Variants in RARB observed in about 807,000 individuals in gnomAD.
RARB encodes the protein retinoic acid receptor beta, also known as HBV-activated protein.
RARB carries 17 observed loss-of-function variants against 51.9 expected under a neutral mutation model. The ratio of observed to expected loss-of-function variants is 0.33; its 90% CI spans 0.22 to 0.49. The LOEUF is 0.49. RARB is among the 20% of genes least tolerant of loss of function. The pLI, the probability that RARB is intolerant of heterozygous loss-of-function variation, is 0.99. For synonymous variants in RARB, 215 were observed against 195.4 expected, an observed-to-expected ratio of 1.10 and a Z score of -0.84; for missense variants, 369 against 550.8, an observed-to-expected ratio of 0.67 and a Z score of 3.30.
rs1469110913 is a variant in RARB, at chr3:25,403,776, C to T, written c.179-57417C>T. Among the ~76,000 whole-genome samples, 3 of 145,396 alleles carry T rather than the reference C, an allele frequency of 2.1e-5. No homozygotes were observed. The Admixed American group carries it at 2.2e-4, about 11-fold the overall frequency. ...ATCTGGCTTCTTTGACATTTGAGCG[C>T]TATTATTTAGCACTGTTACTTTCAT... is the stretch of plus-strand genomic sequence containing the variant. On this transcript the variant is annotated intron_variant, in intron 5 of 11. Transcript: ENST00000383772.
chr3:24,971,404 C>T (rs1444916655), intron 2 of RARB, among the ~76,000 whole-genome samples: 1 of 151,944 alleles, frequency 6.6e-6, no homozygotes. Flanking sequence ...AATAATTATC[C>T]TTAGAAGTTT....
At chr3:25,406,779 C>A (rs1403028273) in intron 5 of RARB, among the ~76,000 whole-genome samples, 3 of 152,166 alleles carry the variant, frequency 2.0e-5, no homozygotes, top group African/African-American at 7.2e-5. Context: ...CAGTATCGAG[C>A]AGGATGGCAG....
At chr3:25,076,667 T>TAA (rs1698876507) in intron 3 of RARB, among the ~76,000 whole-genome samples, 1 of 152,208 alleles carries the variant, frequency 6.6e-6, no homozygotes. Flanking sequence ...AAGCTTTGTT[T>TAA]AAAAGCTTAA....
At chr3:24,997,193 ATTG>A (rs1697060665) in intron 2 of RARB, among the ~76,000 whole-genome samples, 1 of 152,186 alleles carries the variant, frequency 6.6e-6, no homozygotes, top group East Asian at 1.9e-4. Context: ...CTGAACTGAT[ATTG>A]TTGTTATTGT....
intron 5 of RARB, among the ~76,000 whole-genome samples, chr3:25,223,794 A>G (rs1701997207): frequency 6.6e-6 from 1 of 152,200 alleles, no homozygotes; most frequent in African/African-American, 2.4e-5. Flanking sequence ...CACATATTTC[A>G]GTTTCCTTTC....
intron 5 of RARB, among the ~76,000 whole-genome samples, chr3:25,175,555 T>A (rs114398546): frequency 0.014 from 2,126 of 152,278 alleles, 21 homozygotes; most frequent in Non-Finnish European, 0.023. Flanking sequence ...CATCCTTAGC[T>A]CACCGAAAGC....
intron 5 of RARB, among the ~76,000 whole-genome samples, chr3:25,184,431 C>T (rs1210994821): frequency 6.6e-6 from 1 of 152,056 alleles, no homozygotes; most frequent in Non-Finnish European, 1.5e-5. Flanking sequence ...CTGCCCCTAA[C>T]CTCTGGGAGC....
At chr3:25,317,738 AATTG>A (rs1313657529) in intron 5 of RARB, among the ~76,000 whole-genome samples, 5 of 152,224 alleles carry the variant, frequency 3.3e-5, no homozygotes, top group African/African-American at 1.2e-4. Context: ...AATTTTCATT[AATTG>A]ATAAGAATTT....
chr3:25,569,734 A>ATGTG, intron 3 of RARB, 24 bp from the exon 4 acceptor site: 1 of 1,608,524 alleles, frequency 6.2e-7, no homozygotes, highest in South Asian at 1.1e-5. Context: ...GCGACCCCTG[A>ATGTG]TGTGCCTTCT....
intron 2 of RARB, among the ~76,000 whole-genome samples, chr3:24,904,986 G>A (rs1694823773): frequency 6.6e-6 from 1 of 152,186 alleles, no homozygotes. Context: ...GCACAGGGAG[G>A]GGAACATCAC....
intron 5 of RARB, among the ~76,000 whole-genome samples, chr3:25,210,529 C>CTTTTTTTTTTTTTTTTTTTTTTT (rs773846113): frequency 5.1e-4 from 14 of 27,632 alleles, no homozygotes; most frequent in Admixed American, 1.2e-3. Flanking sequence ...TTATCTGATT[C>CTTTTTTTTTTTTTTTTTTTTTTT]TTTTTTTTTT....
At chr3:25,029,825 A>C (rs1410515088) in intron 2 of RARB, among the ~76,000 whole-genome samples, 1 of 152,250 alleles carries the variant, frequency 6.6e-6, no homozygotes, top group Non-Finnish European at 1.5e-5. Flanking sequence ...AAGGAAATTA[A>C]CATGGGACAG....
At chr3:24,835,206 G>C (rs1024239476) in intron 1 of RARB, among the ~76,000 whole-genome samples, 2 of 152,150 alleles carry the variant, frequency 1.3e-5, no homozygotes, top group Non-Finnish European at 2.9e-5. Flanking sequence ...ATATCAAGAA[G>C]TTTAAACTCT....
chr3:25,176,496 G>A (rs1700756716), intron 5 of RARB, among the ~76,000 whole-genome samples: 1 of 150,716 alleles, frequency 6.6e-6, no homozygotes, highest in Admixed American at 6.7e-5. Flanking sequence ...CCCGGTTTCA[G>A]GTGTTTCTCC....
intron 5 of RARB, among the ~76,000 whole-genome samples, chr3:25,344,157 C>G (rs914689267): frequency 2.0e-5 from 3 of 152,172 alleles, no homozygotes; most frequent in African/African-American, 7.2e-5. Flanking sequence ...GCATATTAAA[C>G]TCTTCATTTC....
At chr3:25,255,973 C>T (rs78088483) in intron 5 of RARB, among the ~76,000 whole-genome samples, 4,878 of 152,162 alleles carry the variant, frequency 0.032, 110 homozygotes, top group Non-Finnish European at 0.052. Flanking sequence ...GTGACCTTTT[C>T]CCTCTTAACT....
intron 5 of RARB, among the ~76,000 whole-genome samples, chr3:25,201,407 T>C (rs370174171): frequency 9.9e-5 from 15 of 152,190 alleles, no homozygotes; most frequent in Non-Finnish European, 2.1e-4. Context: ...CTTTTCCTGA[T>C]TGAATATCCT....
intron 2 of RARB, chr3:25,060,018 T>C (rs1009899081): frequency 1.3e-5 from 2 of 151,774 alleles, no homozygotes; most frequent in African/African-American, 4.8e-5. Flanking sequence ...TTAAAATAGT[T>C]ATCAAAATTA....
At chr3:24,883,356 TTGTGTGTGTGTG>T (rs3057218) in intron 2 of RARB, among the ~76,000 whole-genome samples, 74 of 143,774 alleles carry the variant, frequency 5.1e-4, no homozygotes, top group African/African-American at 1.6e-3. Context: ...TCAACAATCA[TTGTGTGTGTGTG>T]TGTGTGTGTG....
Sources: gnomAD v4.1 joint callset for allele counts (sites outside exome capture counted in the v4.1 genomes callset) on GRCh38, gnomAD v4.1.1 for gene constraint, MANE v1.5 for transcripts, NCBI Gene and HGNC (gene_info 2026-07-23, HGNC 2026-07-21) for gene names.